GPC5: variants seen among roughly 807,000 people sequenced by gnomAD.
The protein encoded by GPC5 is glypican-5.
In GPC5, 47 loss-of-function variants were observed where a neutral mutation model predicts 53.9. That is an observed-to-expected ratio of 0.87 (90% confidence interval 0.69 to 1.11). The LOEUF is 1.11. Among genes scored for constraint, GPC5 ranks in the 50% most tolerant of loss-of-function variants. The probability of loss-of-function intolerance (pLI) is 0.00; values close to 1 mark genes in which losing one functional copy is unlikely to be tolerated. For missense variants in GPC5, 748 were observed against 713.1 expected, an observed-to-expected ratio of 1.05 and a Z score of -0.56; for synonymous variants, 286 against 263.3, an observed-to-expected ratio of 1.09 and a Z score of -0.84.
rs1273401680 is a variant in GPC5, at chr13:92,033,054, T to TGTGTGTGC, written c.1402-111769_1402-111768insCGTGTGTG. Among the ~76,000 whole-genome samples the TGTGTGTGC allele has an allele frequency of 3.3e-5, 5 of 151,540 alleles. 1 individual carries two copies. Among genetic ancestry groups the TGTGTGTGC allele is most frequent in the African/African-American group, 1.2e-4 (5 of 41,212 alleles). ...TTATTGTCGTGTGTGTGTGTGTGTG[T>TGTGTGTGC]GTGTGTGTGTGTGTGTGTGTGCTTC... On this transcript the variant is annotated intron_variant, in intron 6 of 7. Coordinates refer to ENST00000377067, the MANE Select transcript of GPC5 (RefSeq NM_004466.6).
At chr13:91,964,885 A>G (rs1397439528) in intron 6 of GPC5, among the ~76,000 whole-genome samples, 2 of 152,156 alleles carry the variant, frequency 1.3e-5, no homozygotes, top group Admixed American at 1.3e-4. Flanking sequence ...CATATACACC[A>G]TGGAATACTA....
chr13:91,399,381 C>G (rs1359197688), intron 1 of GPC5, among the ~76,000 whole-genome samples, 172 bp downstream of exon 1: 1 of 152,154 alleles, frequency 6.6e-6, no homozygotes, highest in African/African-American at 2.4e-5. Context: ...CTGAGTGCAG[C>G]GCAGCGCAGC....
intron 2 of GPC5, among the ~76,000 whole-genome samples, chr13:91,464,563 T>G (rs566689535): frequency 2.0e-5 from 3 of 152,248 alleles, no homozygotes; most frequent in East Asian, 3.9e-4. Flanking sequence ...TATTGATACA[T>G]GCAAACAATT....
chr13:92,439,930 G>A (rs1462494881), intron 7 of GPC5, among the ~76,000 whole-genome samples: 1 of 151,592 alleles, frequency 6.6e-6, no homozygotes, highest in Admixed American at 6.6e-5. Flanking sequence ...ACTGGCTGCA[G>A]TCTGGCTTAA....
intron 7 of GPC5, among the ~76,000 whole-genome samples, chr13:92,740,400 C>G (rs1889052117): frequency 6.6e-6 from 1 of 152,026 alleles, no homozygotes; most frequent in South Asian, 2.1e-4. Flanking sequence ...CACTTTACAT[C>G]TATAAGGTGA....
intron 6 of GPC5, among the ~76,000 whole-genome samples, chr13:92,030,720 C>T (rs1053997142): frequency 1.3e-5 from 2 of 152,118 alleles, no homozygotes; most frequent in African/African-American, 4.8e-5. Flanking sequence ...AAGACTGGCC[C>T]GTCTACTGGG....
intron 5 of GPC5, among the ~76,000 whole-genome samples, chr13:91,877,476 T>C (rs2039216800): frequency 1.3e-5 from 2 of 152,194 alleles, no homozygotes; most frequent in African/African-American, 4.8e-5. Flanking sequence ...ATTCTGGAGC[T>C]TTAAAATTTG....
intron 2 of GPC5, among the ~76,000 whole-genome samples, chr13:91,453,044 A>AGATCT (rs1246975330): frequency 1.3e-5 from 1 of 78,876 alleles, no homozygotes; most frequent in African/African-American, 5.9e-5. Context: ...TGTTATTGCT[A>AGATCT]GAGTCTAAGT....
Position 92,362,687 on chromosome 13 carries a change from C to T in GPC5, c.1561+217698C>T, listed in dbSNP as rs2043577998. Among the ~76,000 whole-genome samples the T allele has an allele frequency of 3.3e-5, 5 of 151,836 alleles. No individual in the cohort carries two copies. In the South Asian group the frequency reaches 1.0e-3, roughly 31 times the overall value. On this transcript the variant is annotated intron_variant, in intron 7 of 7. Coordinates refer to ENST00000377067, the MANE Select transcript of GPC5 (RefSeq NM_004466.6). ...CTTTGGTTTCTCCCATTGCCAGGAA[C>T]CCAAGTGCAAGTCTTAGAAGGTCTT...
intron 7 of GPC5, among the ~76,000 whole-genome samples, chr13:92,586,016 T>C (rs1466058033): frequency 6.6e-6 from 1 of 152,242 alleles, no homozygotes; most frequent in Non-Finnish European, 1.5e-5. Context: ...AACTGACTAA[T>C]ACGCCTGGCT....
chr13:92,161,956 CATATAT>C (rs55867004), intron 7 of GPC5, among the ~76,000 whole-genome samples: 10,652 of 95,730 alleles, frequency 0.11, 574 homozygotes, highest in Admixed American at 0.12. Context: ...AATATATAGC[CATATAT>C]ATATATATAT....
At chr13:92,739,235 C>T (rs1289004989) in intron 7 of GPC5, among the ~76,000 whole-genome samples, 2 of 151,906 alleles carry the variant, frequency 1.3e-5, no homozygotes, top group African/African-American at 4.8e-5. Flanking sequence ...ATTCATTGTC[C>T]ATTTTAAATT....
chr13:92,572,062 G>A (rs116849912), intron 7 of GPC5, among the ~76,000 whole-genome samples: 1,788 of 152,154 alleles, frequency 0.012, 20 homozygotes, highest in Non-Finnish European at 0.014. Context: ...TAAGCTGTTA[G>A]CCATGTGAAA....
At chr13:92,293,120 T>C (rs1019779455) in intron 7 of GPC5, among the ~76,000 whole-genome samples, 3 of 152,172 alleles carry the variant, frequency 2.0e-5, no homozygotes, top group Non-Finnish European at 2.9e-5. Context: ...AGATTAGTTA[T>C]TTTTGTTTAG....
At chr13:92,375,988 C>G (rs1473867675) in intron 7 of GPC5, among the ~76,000 whole-genome samples, 1 of 152,128 alleles carries the variant, frequency 6.6e-6, no homozygotes, top group Non-Finnish European at 1.5e-5. Flanking sequence ...TAATGGGAGA[C>G]ACATTATTGG....
intron 7 of GPC5, among the ~76,000 whole-genome samples, chr13:92,717,941 CA>C (rs1888384784): frequency 6.6e-6 from 1 of 151,820 alleles, no homozygotes; most frequent in South Asian, 2.1e-4. Context: ...TAAAAATGGG[CA>C]AAAGGTCTAA....
At chr13:92,524,735 A>G (rs1167726923) in intron 7 of GPC5, among the ~76,000 whole-genome samples, 21 of 152,048 alleles carry the variant, frequency 1.4e-4, no homozygotes, top group Non-Finnish European at 1.5e-5. Context: ...TTGGAGCTAA[A>G]AGTAGTTATT....
intron 7 of GPC5, among the ~76,000 whole-genome samples, chr13:92,847,375 T>C (rs1878646656): frequency 6.6e-6 from 1 of 152,150 alleles, no homozygotes; most frequent in South Asian, 2.1e-4. Context: ...CCAAATCTCA[T>C]GTGAAATTGT....
intron 1 of GPC5, among the ~76,000 whole-genome samples, chr13:91,433,776 A>G (rs1304956689): frequency 6.6e-6 from 1 of 152,158 alleles, no homozygotes; most frequent in Non-Finnish European, 1.5e-5. Flanking sequence ...GAATTGCCAC[A>G]CTGACTTCCA....
Sources: gnomAD v4.1 joint callset for allele counts (sites outside exome capture counted in the v4.1 genomes callset) on GRCh38, gnomAD v4.1.1 for gene constraint, MANE v1.5 for transcripts, NCBI Gene and HGNC (gene_info 2026-07-23, HGNC 2026-07-21) for gene names.